GLB1: variants seen among roughly 807,000 people sequenced by gnomAD.
GLB1 encodes the protein beta-galactosidase.
GLB1 carries 56 observed loss-of-function variants against 74.0 expected under a neutral mutation model. The observed-to-expected ratio is 0.76, with a 90% CI of 0.61 to 0.94. GLB1 has a LOEUF of 0.94. Ranked by LOEUF, GLB1 falls within the 40% of genes least tolerant of loss-of-function variation. The probability of loss-of-function intolerance (pLI) is 0.00; values close to 1 mark genes in which losing one functional copy is unlikely to be tolerated. For synonymous variants in GLB1, 323 were observed against 323.6 expected (o/e 1.00, Z 0.02); for missense variants, 787 against 845.5 (o/e 0.93, Z 0.86).
chr3:33,044,544 G>A (rs1698665182), intron 10 of GLB1, among the ~76,000 whole-genome samples: 1 of 152,102 alleles, frequency 6.6e-6, no homozygotes, highest in Admixed American at 6.5e-5. Context: ...ATACAAGGGA[G>A]AGCTTGGGAG....
the GLB1 span, among the ~76,000 whole-genome samples, chr3:32,982,618 T>A: frequency 6.6e-6 from 1 of 152,334 alleles, no homozygotes; most frequent in South Asian, 2.1e-4. Context: ...ATTACAATGT[T>A]ATATTGTAAT....
intron 10 of GLB1, among the ~76,000 whole-genome samples, chr3:33,038,764 A>G (rs4547648): frequency 0.29 from 43,851 of 152,076 alleles, 7,959 homozygotes; most frequent in Middle Eastern, 0.46. Flanking sequence ...AGTGAACCAG[A>G]AGCGGACCAA....
intron 6 of GLB1, among the ~76,000 whole-genome samples, chr3:33,056,700 A>G (rs1490937193): frequency 6.6e-6 from 1 of 152,202 alleles, no homozygotes; most frequent in African/African-American, 2.4e-5. Context: ...GATATACACT[A>G]TCAGTTTCTC....
chr3:33,096,805 T>A (rs1701051339), intron 1 of GLB1: 2 of 1,359,536 alleles, frequency 1.5e-6, no homozygotes, highest in Non-Finnish European at 1.9e-6. Flanking sequence ...CCGAGCTGCC[T>A]GGAAGGACGC....
the GLB1 span, among the ~76,000 whole-genome samples, chr3:32,978,896 A>G: frequency 6.9e-6 from 1 of 144,178 alleles, no homozygotes; most frequent in South Asian, 2.2e-4. Context: ...AGTAGCTGGG[A>G]TTACAGGGGC....
chr3:32,982,223 G>C, the GLB1 span, among the ~76,000 whole-genome samples: 1 of 149,556 alleles, frequency 6.7e-6, no homozygotes, highest in Admixed American at 6.8e-5. Context: ...TGAGGCAGGA[G>C]AATCTCTTGA....
chr3:33,036,712 TTC>T (rs1454038745), intron 10 of GLB1, among the ~76,000 whole-genome samples: 3 of 62,288 alleles, frequency 4.8e-5, no homozygotes, highest in African/African-American at 1.2e-4. Flanking sequence ...AGAAATGAAA[TTC>T]TGACACGTTA....
intron 15 of GLB1, among the ~76,000 whole-genome samples, chr3:33,005,548 CT>C (rs1271263170): frequency 6.6e-6 from 1 of 152,138 alleles, no homozygotes; most frequent in African/African-American, 2.4e-5. Context: ...TTTACATACT[CT>C]TTTCTGGCAT....
At chr3:33,059,456 C>T (rs55680612) in intron 5 of GLB1, among the ~76,000 whole-genome samples, 10,006 of 152,196 alleles carry the variant, frequency 0.066, 498 homozygotes, top group East Asian at 0.25. Flanking sequence ...TTCAGCTCTA[C>T]CCAATACACC....
At chr3:32,973,889 A>T in the GLB1 span, among the ~76,000 whole-genome samples, 5 of 152,204 alleles carry the variant, frequency 3.3e-5, no homozygotes, top group Admixed American at 3.3e-4. Context: ...TGAGATTGTA[A>T]GTCCTCTGGG....
At chr3:32,970,706 T>A in the GLB1 span, among the ~76,000 whole-genome samples, 1,808 of 152,238 alleles carry the variant, frequency 0.012, 79 homozygotes, top group East Asian at 0.12. Flanking sequence ...TGACTCCCGA[T>A]GACAACCAGT....
intron 5 of GLB1, 101 bp from the exon 6 acceptor site, chr3:33,058,370 A>G (rs1013144827): frequency 6.5e-7 from 1 of 1,529,674 alleles, no homozygotes; most frequent in Non-Finnish European, 8.9e-7. Context: ...TGCTAAGATG[A>G]CAAGGCTTAA....
intron 1 of GLB1, among the ~76,000 whole-genome samples, chr3:33,078,253 A>G (rs1700195034): frequency 6.6e-6 from 1 of 152,166 alleles, no homozygotes. Context: ...CAAAATAACA[A>G]TAAATGCAGA....
intron 1 of GLB1, among the ~76,000 whole-genome samples, chr3:33,096,068 G>C (rs1701012221): frequency 6.6e-6 from 1 of 152,210 alleles, no homozygotes; most frequent in Non-Finnish European, 1.5e-5. Flanking sequence ...CGTTATTAAA[G>C]GGTGTAACTT....
intron 2 of GLB1, among the ~76,000 whole-genome samples, chr3:33,070,056 G>C (rs1438655843): frequency 6.6e-6 from 1 of 151,510 alleles, no homozygotes; most frequent in Non-Finnish European, 1.5e-5. Flanking sequence ...AGAACATGTG[G>C]TATTTGGTTT....
At chr3:33,062,288 C>T (rs1317886566) in intron 5 of GLB1, among the ~76,000 whole-genome samples, 1 of 152,136 alleles carries the variant, frequency 6.6e-6, no homozygotes, top group East Asian at 1.9e-4. Flanking sequence ...CTGCCTCTGC[C>T]CCCTGAATGG....
intron 14 of GLB1, among the ~76,000 whole-genome samples, chr3:33,016,338 A>G (rs1015081182): frequency 6.6e-6 from 1 of 152,160 alleles, no homozygotes; most frequent in Non-Finnish European, 1.5e-5. Context: ...ACAGAGGAAA[A>G]CAGCTCTTCA....
chr3:32,983,894 A>G, the GLB1 span, among the ~76,000 whole-genome samples: 10 of 151,792 alleles, frequency 6.6e-5, no homozygotes, highest in African/African-American at 2.4e-4. Context: ...TGTGTTGCCC[A>G]GGCTGGTCTT....
chr3:33,045,025 AT>A (rs35835691), intron 10 of GLB1, among the ~76,000 whole-genome samples: 63,349 of 151,896 alleles, frequency 0.42, 13,858 homozygotes, highest in East Asian at 0.77. Flanking sequence ...GTATCTGAAG[AT>A]TTTTTTTCCT....
Sources: gnomAD v4.1 joint callset for allele counts (sites outside exome capture counted in the v4.1 genomes callset) on GRCh38, gnomAD v4.1.1 for gene constraint, MANE v1.5 for transcripts, NCBI Gene and HGNC (gene_info 2026-07-23, HGNC 2026-07-21) for gene names.